The following RPTOR variants were observed in gnomAD, a reference collection of about 807,000 sequenced individuals.
The protein encoded by RPTOR is regulatory-associated protein of mTOR.
RPTOR carries 21 observed loss-of-function variants against 169.9 expected under a neutral mutation model. The ratio of observed to expected loss-of-function variants is 0.12; its 90% confidence interval spans 0.09 to 0.18. The LOEUF (loss-of-function observed/expected upper bound fraction) is 0.18, where lower values mean the gene tolerates loss of function less well. Ranked by LOEUF, RPTOR falls within the 10% of genes least tolerant of loss-of-function variation. RPTOR has a pLI of 1.00. For synonymous variants in RPTOR, 732 were observed against 753.2 expected, an observed-to-expected ratio of 0.97 and a Z score of 0.46; for missense variants, 1,133 against 1,855.9, an observed-to-expected ratio of 0.61 and a Z score of 7.16.
At chr17:80,954,471 G>A (rs1045737161) in intron 28 of RPTOR, among the ~76,000 whole-genome samples, 3 of 140,892 alleles carry the variant, frequency 2.1e-5, no homozygotes, top group Admixed American at 1.5e-4. Context: ...TTGCTATGTT[G>A]CCCAGGCTGG....
intron 9 of RPTOR, among the ~76,000 whole-genome samples, chr17:80,832,206 C>T (rs894287074): frequency 6.6e-6 from 1 of 152,196 alleles, no homozygotes; most frequent in African/African-American, 2.4e-5. Flanking sequence ...ACCCGTGATC[C>T]AGGGGCTTTA....
Position 80,904,428 on chromosome 17 carries a change from C to T in RPTOR, c.2402-4383C>T, listed in dbSNP as rs1029523515. ...GTCTTCTCTGAACTGCTCCGACAGC[C>T]GGGGAGCTTCTGGGATTCAGAGTCA... On this transcript the variant is annotated intron_variant, in intron 20 of 33. Transcript: ENST00000306801. Among the ~76,000 whole-genome samples the T allele has an allele frequency of 3.3e-5, 5 of 152,144 alleles. No homozygotes were observed. In the South Asian group the frequency reaches 6.2e-4, roughly 19 times the overall value.
At chr17:80,742,807 TAC>T (rs1241722958) in intron 5 of RPTOR, among the ~76,000 whole-genome samples, 4 of 151,870 alleles carry the variant, frequency 2.6e-5, no homozygotes, top group Non-Finnish European at 5.9e-5. Context: ...CACGCCTATA[TAC>T]ACATATATAC....
intron 6 of RPTOR, among the ~76,000 whole-genome samples, chr17:80,772,442 C>A (rs1312954616): frequency 3.1e-5 from 4 of 129,456 alleles, no homozygotes; most frequent in East Asian, 2.8e-4. Context: ...TCTCTCCCCC[C>A]ACATGCCTGG....
At chr17:80,564,904 A>G (rs118155936) in intron 1 of RPTOR, among the ~76,000 whole-genome samples, 2,188 of 152,314 alleles carry the variant, frequency 0.014, 25 homozygotes, top group Middle Eastern at 0.024. Flanking sequence ...ATGTTCCCAC[A>G]AAGGACATGA....
intron 20 of RPTOR, among the ~76,000 whole-genome samples, chr17:80,894,764 C>CGTGTGT (rs367599427): frequency 1.1e-4 from 17 of 150,764 alleles, no homozygotes; most frequent in Admixed American, 2.6e-4. Flanking sequence ...AAGAGCGCTG[C>CGTGTGT]GTGTGTGTGT....
intron 4 of RPTOR, among the ~76,000 whole-genome samples, chr17:80,715,959 C>T (rs2066236127): frequency 6.6e-6 from 1 of 152,166 alleles, no homozygotes; most frequent in African/African-American, 2.4e-5. Flanking sequence ...TCTTTATCCA[C>T]TCATTGATTG....
intron 29 of RPTOR, among the ~76,000 whole-genome samples, chr17:80,958,542 C>T (rs937411403): frequency 3.3e-5 from 5 of 150,860 alleles, no homozygotes; most frequent in African/African-American, 1.2e-4. Context: ...TCCCGAGTAG[C>T]TGGGACTACA....
At chr17:80,932,755 A>G (rs115639554) in intron 24 of RPTOR, among the ~76,000 whole-genome samples, 127 of 152,340 alleles carry the variant, frequency 8.3e-4, no homozygotes, top group African/African-American at 2.4e-3. Flanking sequence ...AAGCAGTCCA[A>G]CATCTAACCA....
At chr17:80,854,814 G>T (rs2067835165) in intron 11 of RPTOR, among the ~76,000 whole-genome samples, 1 of 152,198 alleles carries the variant, frequency 6.6e-6, no homozygotes, top group Non-Finnish European at 1.5e-5. Context: ...GATCACTTGA[G>T]TCCAGGAGGT....
At chr17:80,734,220 T>C (rs1240408213) in intron 5 of RPTOR, among the ~76,000 whole-genome samples, 1 of 152,250 alleles carries the variant, frequency 6.6e-6, no homozygotes, top group Non-Finnish European at 1.5e-5. Flanking sequence ...CTTCCTCCAC[T>C]GATAGATCCA....
At chr17:80,774,098 A>G (rs2066870355) in intron 6 of RPTOR, 1 of 985,362 alleles carries the variant, frequency 1.0e-6, no homozygotes, top group Middle Eastern at 5.2e-4. Flanking sequence ...GAAACACCTC[A>G]AGTTTTTAAA....
chr17:80,773,210 G>A (rs1280103330), intron 6 of RPTOR, among the ~76,000 whole-genome samples: 3 of 152,222 alleles, frequency 2.0e-5, no homozygotes, highest in Non-Finnish European at 4.4e-5. Flanking sequence ...GGCAGGCGCT[G>A]TTGATGTCCC....
intron 10 of RPTOR, among the ~76,000 whole-genome samples, chr17:80,842,188 CTG>C (rs2067678839): frequency 6.6e-6 from 1 of 152,248 alleles, no homozygotes; most frequent in East Asian, 1.9e-4. Flanking sequence ...GAGCCAGACT[CTG>C]TCACATCAGA....
At chr17:80,549,125 T>A (rs879724010) in intron 1 of RPTOR, among the ~76,000 whole-genome samples, 1 of 152,230 alleles carries the variant, frequency 6.6e-6, no homozygotes, top group Non-Finnish European at 1.5e-5. Context: ...TTGTTTTGAA[T>A]CAGTCTTGGT....
intron 3 of RPTOR, among the ~76,000 whole-genome samples, chr17:80,704,628 A>G (rs2066128746): frequency 6.6e-6 from 1 of 152,246 alleles, no homozygotes; most frequent in South Asian, 2.1e-4. Context: ...CAGTTTCTTT[A>G]CTACAAATTG....
intron 20 of RPTOR, among the ~76,000 whole-genome samples, chr17:80,897,231 G>A (rs1192213573): frequency 7.4e-6 from 1 of 135,240 alleles, no homozygotes; most frequent in Non-Finnish European, 1.6e-5. Context: ...CCTGGCAACA[G>A]AGCAAGACTC....
At chr17:80,937,569 G>C (rs778079315) in intron 24 of RPTOR, among the ~76,000 whole-genome samples, 27 of 152,230 alleles carry the variant, frequency 1.8e-4, no homozygotes, top group Admixed American at 9.8e-4. Context: ...AAGAGGTACA[G>C]GAGTGTCAAG....
chr17:80,936,193 T>TA lies in RPTOR; in HGVS notation c.2920-4299dup, dbSNP rs1369891139. ...ACACCTGTTAGAATGTCTCGAATCTTAAAATCTACCAAGTGTTGGCAAGGG... is the reference window on the plus strand; with the variant it reads ...ACACCTGTTAGAATGTCTCGAATCTTAAAAATCTACCAAGTGTTGGCAAGGG... On this transcript the variant is annotated intron_variant, in intron 24 of 33. Coordinates refer to ENST00000306801, the MANE Select transcript of RPTOR (RefSeq NM_020761.3). This position sits in a 1 kb window ranked among gnomAD's most constrained non-coding sequence, Gnocchi z 4.1. Among the ~76,000 whole-genome samples, 1 of 152,210 alleles carries TA rather than the reference T, an allele frequency of 6.6e-6. No individual in the cohort carries two copies. The highest frequency in any genetic ancestry group is 1.5e-5 in the Non-Finnish European group (1 of 68,012).
Sources: allele counts gnomAD v4.1 joint callset (sites outside exome capture counted in the v4.1 genomes callset), GRCh38; gene constraint gnomAD v4.1.1; non-coding constraint Gnocchi (gnomAD v3.1); transcripts MANE v1.5; gene names NCBI Gene and HGNC (gene_info 2026-07-23, HGNC 2026-07-21).